The following TMEM132B variants were observed in gnomAD, a reference collection of about 807,000 sequenced individuals.
TMEM132B encodes transmembrane protein 132B.
In TMEM132B, 18 loss-of-function variants were observed where a neutral mutation model predicts 90.8. The ratio of observed to expected loss-of-function variants is 0.20; its 90% CI spans 0.14 to 0.29. TMEM132B has a LOEUF of 0.29. Among genes scored for constraint, TMEM132B ranks in the 10% least tolerant of loss-of-function variants. The probability of loss-of-function intolerance (pLI) is 1.00; values close to 1 mark genes in which losing one functional copy is unlikely to be tolerated. For missense variants in TMEM132B, 1,096 were observed against 1,326.8 expected (o/e 0.83, Z 2.70); for synonymous variants, 504 against 523.3 (o/e 0.96, Z 0.50).
intron 4 of TMEM132B, among the ~76,000 whole-genome samples, chr12:125,563,916 C>T (rs1030167732): frequency 5.9e-5 from 9 of 152,182 alleles, no homozygotes; most frequent in Non-Finnish European, 8.8e-5. Flanking sequence ...TCCCTGGAGC[C>T]GTTGGAGGAA....
intron 5 of TMEM132B, among the ~76,000 whole-genome samples, chr12:125,605,077 T>G (rs941306068): frequency 3.3e-5 from 5 of 152,206 alleles, no homozygotes; most frequent in African/African-American, 1.2e-4. Flanking sequence ...TCTTGGCCCA[T>G]ATGAATGTGA....
chr12:125,651,717 T>G (rs951951988), intron 7 of TMEM132B, among the ~76,000 whole-genome samples: 1 of 152,234 alleles, frequency 6.6e-6, no homozygotes, highest in Admixed American at 6.5e-5. Flanking sequence ...CAGGGCACCA[T>G]GAGGCTGAAC....
At chr12:125,265,316 T>C (rs1367484134) in intron 1 of TMEM132B, among the ~76,000 whole-genome samples, 1 of 148,094 alleles carries the variant, frequency 6.8e-6, no homozygotes, top group African/African-American at 2.7e-5. Context: ...GGCTGTTTTT[T>C]CTATACATAC....
At chr12:125,393,231 A>G (rs1400441039) in intron 2 of TMEM132B, among the ~76,000 whole-genome samples, 1 of 152,204 alleles carries the variant, frequency 6.6e-6, no homozygotes, top group African/African-American at 2.4e-5. Flanking sequence ...GATTAATCTG[A>G]GAAGTGCATA....
At chr12:125,236,895 A>G (rs1873949311) in intron 1 of TMEM132B, among the ~76,000 whole-genome samples, 1 of 152,228 alleles carries the variant, frequency 6.6e-6, no homozygotes, top group Non-Finnish European at 1.5e-5. Context: ...GGGTACCTGT[A>G]GTGCATCGGA....
intron 1 of TMEM132B, among the ~76,000 whole-genome samples, chr12:125,195,839 G>A (rs1565972946): frequency 6.6e-6 from 1 of 152,154 alleles, no homozygotes; most frequent in Admixed American, 6.5e-5. Context: ...CCTGAGGTGG[G>A]AATGTGCTTG....
At chr12:125,604,503 C>T (rs1387818893) in intron 5 of TMEM132B, among the ~76,000 whole-genome samples, 1 of 152,068 alleles carries the variant, frequency 6.6e-6, no homozygotes, top group East Asian at 1.9e-4. Context: ...GCATGCAGGG[C>T]TTAAAACCTA....
intron 4 of TMEM132B, among the ~76,000 whole-genome samples, chr12:125,574,664 G>A (rs184608222): frequency 6.1e-4 from 93 of 152,224 alleles, no homozygotes; most frequent in Middle Eastern, 3.4e-3. Flanking sequence ...CATGGACATA[G>A]AGTATGAGGC....
chr12:125,216,893 C>A (rs1873450022), intron 1 of TMEM132B, among the ~76,000 whole-genome samples: 1 of 152,204 alleles, frequency 6.6e-6, no homozygotes, highest in African/African-American at 2.4e-5. Flanking sequence ...TATCCGCATG[C>A]CTCCTGCGTG....
chr12:125,602,198 G>C (rs1374929162), intron 5 of TMEM132B, among the ~76,000 whole-genome samples: 1 of 152,142 alleles, frequency 6.6e-6, no homozygotes, highest in African/African-American at 2.4e-5. Context: ...GATGAACATC[G>C]ATGTGAAAAT....
chr12:125,237,128 C>T (rs1873954629), intron 1 of TMEM132B, among the ~76,000 whole-genome samples: 2 of 152,356 alleles, frequency 1.3e-5, no homozygotes, highest in South Asian at 4.1e-4. Context: ...CTTGCTGACA[C>T]TGCCAGCAGC....
chr12:125,238,738 C>G (rs1010559654), intron 1 of TMEM132B, among the ~76,000 whole-genome samples: 1 of 152,154 alleles, frequency 6.6e-6, no homozygotes. Flanking sequence ...TTTTACAGAC[C>G]TGTATTGATT....
chr12:125,265,857 G>A lies in TMEM132B; in HGVS notation c.67+78991G>A, dbSNP rs117352903. Reference sequence around the variant, plus strand: ...ATTCTCATTGCTGTAGAACAGAGAGGTTGGCAGAGTATAACCTATGGGCCA... The same window carrying A: ...ATTCTCATTGCTGTAGAACAGAGAGATTGGCAGAGTATAACCTATGGGCCA... On this transcript the variant is annotated intron_variant, in intron 1 of 8. Coordinates refer to ENST00000682704, the MANE Select transcript of TMEM132B (RefSeq NM_001366854.1). Among the ~76,000 whole-genome samples, 1,494 of 152,272 alleles carry A rather than the reference G, an allele frequency of 9.8e-3. 9 individuals are homozygous for A. The highest frequency in any genetic ancestry group is 0.014 in the Non-Finnish European group (983 of 68,024).
intron 4 of TMEM132B, among the ~76,000 whole-genome samples, chr12:125,556,189 G>T (rs1566072610): frequency 6.6e-6 from 1 of 152,156 alleles, no homozygotes; most frequent in Non-Finnish European, 1.5e-5. Flanking sequence ...TCAGTTAACT[G>T]ATTTTTCATG....
Position 125,644,045 on chromosome 12 carries a change from T to G in TMEM132B, c.1438-31T>G, listed in dbSNP as rs931701205. On this transcript the variant is annotated intron_variant, in intron 5 of 8. Transcript: ENST00000682704. ...TTTTTCCTTGTGCTTTTCCTACTGA[T>G]GCATCTCAAGGTTCTACCTCCTTCC... The G allele has an allele frequency of 1.3e-5, 20 of 1,591,288 alleles. No homozygotes were observed. The Middle Eastern group carries it at 6.6e-4, about 53-fold the overall frequency.
At chr12:125,354,851 C>T (rs989175170) in intron 2 of TMEM132B, among the ~76,000 whole-genome samples, 8 of 152,096 alleles carry the variant, frequency 5.3e-5, no homozygotes, top group Admixed American at 1.3e-4. Flanking sequence ...GTACTTGTCC[C>T]AGGTTCTGCA....
intron 3 of TMEM132B, among the ~76,000 whole-genome samples, chr12:125,515,242 A>G (rs1434332822): frequency 2.8e-5 from 4 of 145,420 alleles, no homozygotes; most frequent in African/African-American, 5.1e-5. Flanking sequence ...ACACACATGC[A>G]TTCTCACACA....
At chr12:125,345,514 C>T (rs941047931) in intron 1 of TMEM132B, among the ~76,000 whole-genome samples, 7 of 152,266 alleles carry the variant, frequency 4.6e-5, no homozygotes, top group South Asian at 2.1e-4. Flanking sequence ...CCTGGATTCC[C>T]GGCACCCTGT....
At chr12:125,562,024 T>A (rs1592994530) in intron 4 of TMEM132B, among the ~76,000 whole-genome samples, 1 of 152,238 alleles carries the variant, frequency 6.6e-6, no homozygotes, top group South Asian at 2.1e-4. Flanking sequence ...AAGTGTTTCA[T>A]CTACATGGAA....
Sources: allele counts gnomAD v4.1 joint callset (sites outside exome capture counted in the v4.1 genomes callset), GRCh38; gene constraint gnomAD v4.1.1; transcripts MANE v1.5; gene names NCBI Gene and HGNC (gene_info 2026-07-23, HGNC 2026-07-21).